The following DUSP29 variants were observed in gnomAD, a reference collection of about 807,000 sequenced individuals.
DUSP29 encodes dual specificity phosphatase 29.
Under a neutral mutation model 13.5 loss-of-function variants are expected in DUSP29, and 12 were observed. The ratio of observed to expected loss-of-function variants is 0.89; its 90% CI spans 0.57 to 1.44. The LOEUF is 1.44. Ranked by LOEUF, DUSP29 falls within the 40% of genes most tolerant of loss-of-function variation. DUSP29 has a pLI of 0.00. For missense variants in DUSP29, 308 were observed against 301.1 expected, an observed-to-expected ratio of 1.02 and a Z score of -0.17; for synonymous variants, 134 against 128.7, an observed-to-expected ratio of 1.04 and a Z score of -0.28.
intron 1 of DUSP29, among the ~76,000 whole-genome samples, chr10:75,069,766 G>A (rs1847281342): frequency 6.6e-6 from 1 of 152,140 alleles, no homozygotes. Context: ...TAGTGGCTGG[G>A]CACGGTGGTT....
At chr10:75,048,466 C>T (rs1409394093) in intron 2 of DUSP29, among the ~76,000 whole-genome samples, 1 of 151,122 alleles carries the variant, frequency 6.6e-6, no homozygotes, top group Non-Finnish European at 1.5e-5. Flanking sequence ...AATCTCGGCT[C>T]ACTGCTCACT....
intron 2 of DUSP29, among the ~76,000 whole-genome samples, chr10:75,056,534 GCGCATGCCTGTAATC>G (rs1846962665): frequency 6.6e-6 from 1 of 151,806 alleles, no homozygotes; most frequent in South Asian, 2.1e-4. Flanking sequence ...GGGCGTGGTG[GCGCATGCCTGTAATC>G]CCAGCTACTC....
At chr10:75,055,041 T>A (rs1309032558) in intron 2 of DUSP29, among the ~76,000 whole-genome samples, 1 of 152,134 alleles carries the variant, frequency 6.6e-6, no homozygotes, top group Non-Finnish European at 1.5e-5. Context: ...GGTGTCTTGC[T>A]ATATTGCTCA....
intron 1 of DUSP29, among the ~76,000 whole-genome samples, chr10:75,069,278 G>A (rs1032921203): frequency 4.6e-5 from 7 of 152,188 alleles, no homozygotes; most frequent in Admixed American, 6.6e-5. Flanking sequence ...GGAGCCGGCC[G>A]GGATGGACTT....
intron 3 of DUSP29, among the ~76,000 whole-genome samples, 196 bp from the exon 4 acceptor site, chr10:75,038,273 T>A (rs1275228803): frequency 6.6e-6 from 1 of 152,194 alleles, no homozygotes; most frequent in Non-Finnish European, 1.5e-5. Context: ...CAAATAACCC[T>A]GTAAATAACT....
At chr10:75,051,739 T>G (rs1419076765) in intron 2 of DUSP29, among the ~76,000 whole-genome samples, 1 of 152,236 alleles carries the variant, frequency 6.6e-6, no homozygotes, top group Non-Finnish European at 1.5e-5. Flanking sequence ...AAATTAAAAC[T>G]GAGGCTTTGT....
At chr10:75,070,847 C>A (rs927289775) in intron 1 of DUSP29, among the ~76,000 whole-genome samples, 1 of 152,174 alleles carries the variant, frequency 6.6e-6, no homozygotes, top group Non-Finnish European at 1.5e-5. Flanking sequence ...ATCTGACCCC[C>A]TCGTTACTGT....
chr10:75,062,765 C>T (rs182788979), intron 1 of DUSP29, among the ~76,000 whole-genome samples: 89 of 152,318 alleles, frequency 5.8e-4, no homozygotes, highest in African/African-American at 1.9e-3. Context: ...CAAATCTGTT[C>T]TGTTTGGTTT....
intron 1 of DUSP29, among the ~76,000 whole-genome samples, chr10:75,061,513 C>G (rs1391122810): frequency 1.3e-5 from 2 of 152,208 alleles, no homozygotes; most frequent in African/African-American, 4.8e-5. Context: ...CCGGGCTGCA[C>G]CCTCGTAGGG....
chr10:75,043,878 C>T lies in DUSP29; in HGVS notation c.340G>A (p.Asp114Asn). The T allele has an allele frequency of 1.2e-6, 2 of 1,614,056 alleles. No individual in the cohort carries two copies. Among genetic ancestry groups the T allele is most frequent in the Non-Finnish European group, 1.7e-6 (2 of 1,179,948 alleles). The change falls in exon 3 of 4, where the codon GAC becomes AAC. Residue 114 changes from aspartate to asparagine, a missense_variant. Asp to Asn is a conservative substitution (Grantham distance 23, BLOSUM62 1). Coordinates refer to ENST00000338487, the MANE Select transcript of DUSP29 (RefSeq NM_001003892.3). ...MDIQYHGVEA[D>N]DLPTFDLSVF... ...CTGAGGTCGAAGGTGGGCAGGTCGTCGGCCTCCACGCCGTGGTACTGGATG... is the reference window on the plus strand; with the variant it reads ...CTGAGGTCGAAGGTGGGCAGGTCGTTGGCCTCCACGCCGTGGTACTGGATG...
chr10:75,046,521 G>A (rs1438226317), intron 2 of DUSP29, among the ~76,000 whole-genome samples: 1 of 152,198 alleles, frequency 6.6e-6, no homozygotes, highest in Non-Finnish European at 1.5e-5. Flanking sequence ...GTCTTTCATT[G>A]GTTTCCTGGA....
chr10:75,044,776 G>A (rs921979175), intron 2 of DUSP29, among the ~76,000 whole-genome samples: 1 of 152,170 alleles, frequency 6.6e-6, no homozygotes, highest in Non-Finnish European at 1.5e-5. Context: ...AGCATGGTGG[G>A]GCCGGAGTGG....
chr10:75,061,462 G>A (rs1171280578), intron 1 of DUSP29, among the ~76,000 whole-genome samples: 4 of 152,214 alleles, frequency 2.6e-5, no homozygotes, highest in Non-Finnish European at 5.9e-5. Context: ...TGAAGACCAC[G>A]TCTGTCAGAG....
At chr10:75,071,214 G>C (rs1202743695) in intron 1 of DUSP29, among the ~76,000 whole-genome samples, 1 of 152,234 alleles carries the variant, frequency 6.6e-6, no homozygotes, top group Admixed American at 6.5e-5. Flanking sequence ...AAATGGGGCT[G>C]TGCTGTCCAT....
intron 2 of DUSP29, among the ~76,000 whole-genome samples, chr10:75,052,383 T>C (rs1385204447): frequency 5.4e-5 from 8 of 147,700 alleles, no homozygotes; most frequent in African/African-American, 2.0e-4. Context: ...CTCGGCTCAC[T>C]GCAACCTCCG....
chr10:75,073,503 C>T (rs1415259153), intron 1 of DUSP29, among the ~76,000 whole-genome samples, 66 bp downstream of exon 1: 3 of 152,224 alleles, frequency 2.0e-5, no homozygotes, highest in Non-Finnish European at 4.4e-5. Context: ...AATCCCCACA[C>T]CCAGGCCCCC....
At chr10:75,065,261 C>T (rs1847171939) in intron 1 of DUSP29, among the ~76,000 whole-genome samples, 1 of 152,172 alleles carries the variant, frequency 6.6e-6, no homozygotes, top group African/African-American at 2.4e-5. Context: ...TAATTCATTT[C>T]AGTGGGAAAA....
intron 2 of DUSP29, among the ~76,000 whole-genome samples, chr10:75,045,154 C>T (rs546801905): frequency 2.0e-5 from 3 of 152,256 alleles, no homozygotes; most frequent in African/African-American, 4.8e-5. Context: ...GTCAGGAGTT[C>T]GAGACCAGCC....
chr10:75,042,000 C>CTT (rs541488917), intron 3 of DUSP29, among the ~76,000 whole-genome samples: 1 of 150,430 alleles, frequency 6.6e-6, no homozygotes, highest in Non-Finnish European at 1.5e-5. Context: ...GTTGGAATGT[C>CTT]TTTTTTTTTT....
Sources: gnomAD v4.1 joint callset for allele counts (sites outside exome capture counted in the v4.1 genomes callset) on GRCh38, gnomAD v4.1.1 for gene constraint, MANE v1.5 for transcripts, NCBI Gene and HGNC (gene_info 2026-07-23, HGNC 2026-07-21) for gene names.